Variants in URI1 observed in about 807,000 individuals in gnomAD.
URI1 encodes the protein unconventional prefoldin RPB5 interactor 1.
In URI1, 39 loss-of-function variants were observed where a neutral mutation model predicts 60.2. That is an observed-to-expected ratio of 0.65 (90% CI 0.50 to 0.85). URI1 has a LOEUF of 0.85. Ranked by LOEUF, URI1 falls within the 40% of genes least tolerant of loss-of-function variation. URI1 has a pLI of 0.00. For missense variants in URI1, 691 were observed against 665.9 expected (o/e 1.04, Z -0.42); for synonymous variants, 251 against 236.8 (o/e 1.06, Z -0.55).
Position 30,011,118 on chromosome 19 carries a change from A to G in URI1, c.1060A>G (p.Thr354Ala). ...KRVRINTGKN[T>A]TLKFSEKKEE... ...GGTCCGAATAAATACTGGAAAGAAT[A>G]CCACTTTAAAATTCAGTGAAAAGAA... The change falls in exon 9 of 11, where the codon ACC (threonine) becomes GCC (alanine). Residue 354 changes from threonine (T) to alanine (A), a missense_variant. Physicochemically the swap from Thr to Ala is moderately conservative, Grantham distance 58. Coordinates refer to ENST00000392271, the MANE Select transcript of URI1 (RefSeq NM_003796.3). The G allele has an allele frequency of 1.2e-6, 2 of 1,611,896 alleles. No homozygotes were observed. The highest frequency in any genetic ancestry group is 1.7e-6 in the Non-Finnish European group (2 of 1,179,304).
At chr19:30,009,800 T>C (rs2055994878) in intron 8 of URI1, among the ~76,000 whole-genome samples, 1 of 152,210 alleles carries the variant, frequency 6.6e-6, no homozygotes, top group African/African-American at 2.4e-5. Flanking sequence ...TAGGAGGAAG[T>C]AAAAATTAGT....
intron 4 of URI1, among the ~76,000 whole-genome samples, chr19:29,993,568 G>A (rs995251771): frequency 5.9e-5 from 9 of 152,118 alleles, no homozygotes; most frequent in African/African-American, 2.2e-4. Context: ...AAGAAAGTGG[G>A]TGATAAGACG....
At chr19:29,936,975 C>T (rs1466553592) in intron 1 of URI1, among the ~76,000 whole-genome samples, 3 of 152,142 alleles carry the variant, frequency 2.0e-5, no homozygotes, top group Non-Finnish European at 4.4e-5. Flanking sequence ...TGATCTCAAA[C>T]TCCTGAATTC....
At chr19:29,973,407 C>A (rs185296830) in intron 2 of URI1, among the ~76,000 whole-genome samples, 1 of 152,256 alleles carries the variant, frequency 6.6e-6, no homozygotes, top group African/African-American at 2.4e-5. Flanking sequence ...CTACTTAACC[C>A]TTGGTATTAG....
At chr19:29,971,883 C>G (rs1568424057) in intron 2 of URI1, among the ~76,000 whole-genome samples, 1 of 151,936 alleles carries the variant, frequency 6.6e-6, no homozygotes, top group Non-Finnish European at 1.5e-5. Flanking sequence ...TACAATATAT[C>G]CATGCTGTGC....
intron 1 of URI1, among the ~76,000 whole-genome samples, chr19:29,924,320 C>T (rs2145183243): frequency 6.6e-6 from 1 of 152,258 alleles, no homozygotes; most frequent in Non-Finnish European, 1.5e-5. Flanking sequence ...TTCACAAACA[C>T]CTGGGTGCTT....
At chr19:30,001,317 A>T (rs1324807537) in intron 4 of URI1, among the ~76,000 whole-genome samples, 1 of 151,388 alleles carries the variant, frequency 6.6e-6, no homozygotes, top group Non-Finnish European at 1.5e-5. Flanking sequence ...TGATTTATTT[A>T]TTTTTTTTAA....
intron 1 of URI1, among the ~76,000 whole-genome samples, chr19:29,961,182 A>G (rs1480239728): frequency 6.6e-6 from 1 of 151,732 alleles, no homozygotes; most frequent in Non-Finnish European, 1.5e-5. Flanking sequence ...TTTTAAGTAT[A>G]CAGTTCAGTG....
intron 4 of URI1, among the ~76,000 whole-genome samples, chr19:29,993,097 A>G (rs1211752227): frequency 1.3e-5 from 2 of 152,240 alleles, no homozygotes; most frequent in African/African-American, 2.4e-5. Context: ...TTTTGTCTTA[A>G]AAATGCATAC....
intron 4 of URI1, among the ~76,000 whole-genome samples, chr19:29,986,709 G>A (rs2055675063): frequency 6.6e-6 from 1 of 152,130 alleles, no homozygotes; most frequent in African/African-American, 2.4e-5. Flanking sequence ...ATAAAAATTG[G>A]AGTCATTTTA....
At chr19:30,000,824 C>T (rs200969290) in intron 4 of URI1, among the ~76,000 whole-genome samples, 6 of 151,934 alleles carry the variant, frequency 3.9e-5, no homozygotes, top group African/African-American at 7.2e-5. Context: ...GTCCTCCAGC[C>T]GTGGGAAATT....
At chr19:29,944,860 T>G (rs1374736643) in intron 1 of URI1, among the ~76,000 whole-genome samples, 1 of 152,220 alleles carries the variant, frequency 6.6e-6, no homozygotes, top group Non-Finnish European at 1.5e-5. Context: ...TGCACTGTAA[T>G]TATAGTGTAG....
At position 29,928,332 on chromosome 19, in the gene URI1, G is replaced by A. The variant is rs551568329; in HGVS notation, c.63+4578G>A. On this transcript the variant is annotated intron_variant, in intron 1 of 10. Coordinates refer to the URI1 transcript ENST00000360605. ...AGGTCACGCCCAAGCATTATTTTTC[G>A]GAGCTCCCAACATGCATCCAAGGCT... Among the ~76,000 whole-genome samples, 7 of 152,038 alleles carry A rather than the reference G, an allele frequency of 4.6e-5. No homozygotes were observed. In the South Asian group the frequency reaches 1.0e-3, roughly 23 times the overall value.
chr19:29,977,137 T>TC (rs1380134944), intron 2 of URI1, among the ~76,000 whole-genome samples: 17 of 143,404 alleles, frequency 1.2e-4, no homozygotes, highest in East Asian at 2.0e-4. Context: ...TCTCTCTCTC[T>TC]TTTTTTTTTT....
intron 4 of URI1, among the ~76,000 whole-genome samples, chr19:29,991,660 G>A (rs1780342432): frequency 6.6e-6 from 1 of 152,038 alleles, no homozygotes; most frequent in African/African-American, 2.4e-5. Context: ...GGTAAGAGTA[G>A]GTAGGTGTCT....
rs374918646 is a variant in URI1 at position 29,928,484 on chromosome 19, G to A, written c.63+4730G>A. The stretch of plus-strand genomic sequence containing the variant: ...CTTCACTCAGCTCTCTTTTGTCTCC[G>A]CCCACTTGTTTCCATCTTCAGTTCC... On this transcript the variant is annotated intron_variant, in intron 1 of 10. Coordinates refer to the URI1 transcript ENST00000360605. Among the ~76,000 whole-genome samples the A allele has an allele frequency of 7.9e-5, 12 of 152,058 alleles. No individual in the cohort carries two copies. The East Asian group carries it at 1.2e-3, about 15-fold the overall frequency.
At chr19:29,939,841 G>A (rs186147920), upstream of URI1, among the ~76,000 whole-genome samples, 2 of 152,164 alleles carry the variant, frequency 1.3e-5, no homozygotes, top group Admixed American at 1.3e-4. Context: ...AATTGTTGTG[G>A]TTGGCTTGAG....
chr19:29,942,651 A>C lies in URI1; in HGVS notation c.104A>C (p.Glu35Ala). 1.4e-6 allele frequency: 2 copies of C among 1,411,224 alleles called. No homozygotes were observed. The highest frequency in any genetic ancestry group is 9.3e-7 in the Non-Finnish European group (1 of 1,078,890). The allele number at this position is 1,411,224 out of a possible 1,614,324, so 87.4% of individuals were successfully genotyped here. A position where few individuals can be genotyped will look rare whatever the true frequency, so the allele number is the denominator to read the frequency against. Reference protein sequence around the residue: ...LRAPDVARLREEQEKVVTNCQ... With the variant: ...LRAPDVARLRAEQEKVVTNCQ... ...GCCCCGGATGTGGCGCGGCTGCGCG[A>C]GGAGCAGGAAAAGGTAACTAGCAGC... The change falls in exon 1 of 11, where the codon GAG becomes GCG. Residue 35 changes from glutamate (E) to alanine (A), a missense_variant. Glu to Ala is a moderately radical substitution (Grantham distance 107, BLOSUM62 -1). Transcript: ENST00000392271.
intron 1 of URI1, among the ~76,000 whole-genome samples, chr19:29,934,243 A>T (rs2054948948): frequency 6.6e-6 from 1 of 151,890 alleles, no homozygotes; most frequent in African/African-American, 2.4e-5. Context: ...GCCTTATTCC[A>T]TCTTTCTGCT....
Sources: allele counts gnomAD v4.1 joint callset (sites outside exome capture counted in the v4.1 genomes callset), GRCh38; gene constraint gnomAD v4.1.1; transcripts MANE v1.5; gene names NCBI Gene and HGNC (gene_info 2026-07-23, HGNC 2026-07-21).